The following CSMD1 variants were observed in gnomAD, a reference collection of about 807,000 sequenced individuals.
CSMD1 encodes the protein CUB and sushi domain-containing protein 1.
CSMD1 carries 213 observed loss-of-function variants against 417.5 expected under a neutral mutation model. The observed-to-expected ratio is 0.51, with a 90% CI of 0.46 to 0.57. CSMD1 has a LOEUF of 0.57. Among genes scored for constraint, CSMD1 ranks in the 20% least tolerant of loss-of-function variants. CSMD1 has a pLI of 0.00. For missense variants in CSMD1, 6,923 were observed against 4,529.7 expected, an observed-to-expected ratio of 1.53 and a Z score of -15.17; for synonymous variants, 2,862 against 1,736.8, an observed-to-expected ratio of 1.65 and a Z score of -16.11.
At chr8:4,647,237 T>C (rs1008411401) in intron 1 of CSMD1, among the ~76,000 whole-genome samples, 8 of 84,836 alleles carry the variant, frequency 9.4e-5, no homozygotes, top group Admixed American at 2.1e-4. Flanking sequence ...CTGTTTCTAT[T>C]TTTTTTTTTT....
intron 10 of CSMD1, among the ~76,000 whole-genome samples, chr8:3,551,643 C>CAAA (rs1798920868): frequency 7.3e-6 from 1 of 136,668 alleles, no homozygotes; most frequent in South Asian, 2.3e-4. Context: ...CTTTCCGGTG[C>CAAA]TCATTTAATA....
intron 5 of CSMD1, among the ~76,000 whole-genome samples, chr8:3,988,272 A>C (rs1286634873): frequency 6.6e-6 from 1 of 152,186 alleles, no homozygotes; most frequent in Non-Finnish European, 1.5e-5. Context: ...CTTGTCCCAG[A>C]AGGCCATTAT....
At chr8:3,790,912 C>G (rs950528312) in intron 5 of CSMD1, among the ~76,000 whole-genome samples, 25 of 152,112 alleles carry the variant, frequency 1.6e-4, no homozygotes, top group African/African-American at 6.0e-4. Flanking sequence ...TCAAAACTGT[C>G]AGGTCCTAAG....
In CSMD1 at chr8:3,652,104, C is replaced by T. The variant is rs560825601; in HGVS notation, c.1010-35307G>A. Among the ~76,000 whole-genome samples the T allele has an allele frequency of 2.3e-3, 290 of 123,624 alleles. 1 individual carries two copies. Among genetic ancestry groups the T allele is most frequent in the African/African-American group, 8.3e-3 (275 of 32,994 alleles). The allele number at this position is 123,624 out of a possible 152,430, so 81.1% of individuals were successfully genotyped here. A position where few individuals can be genotyped will look rare whatever the true frequency, so the allele number is the denominator to read the frequency against. On this transcript the variant is annotated intron_variant, in intron 7 of 69. Coordinates refer to ENST00000635120, the MANE Select transcript of CSMD1 (RefSeq NM_033225.6). ...CTTACCACCATCAGAGCACCTACCA[C>T]CATCAGCACGCTTACCATCAGAGCG...
chr8:4,780,320 G>A (rs1371991080), intron 1 of CSMD1, among the ~76,000 whole-genome samples: 1 of 152,144 alleles, frequency 6.6e-6, no homozygotes, highest in East Asian at 1.9e-4. Context: ...TGGGGCTTTG[G>A]CTCTACTGCA....
chr8:4,832,006 T>C (rs1250497497), intron 1 of CSMD1, among the ~76,000 whole-genome samples: 1 of 152,182 alleles, frequency 6.6e-6, no homozygotes, highest in African/African-American at 2.4e-5. Flanking sequence ...CATAGTCACT[T>C]TCAAAAGGAG....
intron 3 of CSMD1, among the ~76,000 whole-genome samples, chr8:4,411,139 G>C (rs556701450): frequency 1.3e-5 from 2 of 152,150 alleles, no homozygotes; most frequent in East Asian, 3.9e-4. Flanking sequence ...ATAACCATGA[G>C]ATACATCTCT....
At chr8:3,565,661 A>G (rs762543779) in intron 10 of CSMD1, among the ~76,000 whole-genome samples, 24 of 152,232 alleles carry the variant, frequency 1.6e-4, no homozygotes, top group Non-Finnish European at 2.8e-4. Flanking sequence ...TCCTTCCCTA[A>G]AACAGATCTG....
intron 1 of CSMD1, among the ~76,000 whole-genome samples, chr8:4,853,416 G>A (rs765030401): frequency 2.6e-5 from 4 of 152,232 alleles, no homozygotes; most frequent in Admixed American, 6.5e-5. Context: ...CTGCTTCAGA[G>A]GGTGCAATCC....
At chr8:4,238,038 G>A (rs1193298096) in intron 3 of CSMD1, among the ~76,000 whole-genome samples, 2 of 152,118 alleles carry the variant, frequency 1.3e-5, no homozygotes, top group Non-Finnish European at 2.9e-5. Flanking sequence ...TTTCCAGCAC[G>A]TTGCTTAGTT....
chr8:4,764,400 C>T (rs1047835758), intron 1 of CSMD1, among the ~76,000 whole-genome samples: 3 of 152,088 alleles, frequency 2.0e-5, no homozygotes, highest in Non-Finnish European at 2.9e-5. Context: ...TGGCATATTA[C>T]TTTTTTACAA....
At chr8:4,035,110 C>G (rs1052644133) in intron 3 of CSMD1, among the ~76,000 whole-genome samples, 5 of 152,122 alleles carry the variant, frequency 3.3e-5, no homozygotes, top group Non-Finnish European at 5.9e-5. Context: ...TGTGAGCTGC[C>G]TAACAACAGC....
chr8:4,278,766 G>C (rs531004830), intron 3 of CSMD1, among the ~76,000 whole-genome samples: 19 of 152,228 alleles, frequency 1.2e-4, no homozygotes, highest in Non-Finnish European at 2.4e-4. Context: ...TCTGAACAAA[G>C]AGCCAAGTGT....
chr8:3,542,518 T>C (rs1798483343), intron 10 of CSMD1, among the ~76,000 whole-genome samples: 1 of 152,162 alleles, frequency 6.6e-6, no homozygotes, highest in Non-Finnish European at 1.5e-5. Context: ...CTACATCCTG[T>C]GTCAGATGCT....
chr8:3,047,203 G>C (rs1179830371), intron 50 of CSMD1, among the ~76,000 whole-genome samples: 2 of 101,648 alleles, frequency 2.0e-5, no homozygotes, highest in African/African-American at 4.2e-5. Context: ...AACAGTATAA[G>C]ACTCCCTCTC....
chr8:4,320,059 A>T (rs1049886867), intron 3 of CSMD1, among the ~76,000 whole-genome samples: 9 of 152,138 alleles, frequency 5.9e-5, no homozygotes, highest in Non-Finnish European at 1.3e-4. Context: ...TAAACAAAAG[A>T]CTTCGTTGGT....
intron 5 of CSMD1, among the ~76,000 whole-genome samples, chr8:3,977,902 C>T (rs1813563973): frequency 6.6e-6 from 1 of 152,124 alleles, no homozygotes; most frequent in Non-Finnish European, 1.5e-5. Flanking sequence ...TGGTAACTGA[C>T]CTCCAATTTC....
chr8:4,718,000 C>A (rs964328610), intron 1 of CSMD1, among the ~76,000 whole-genome samples: 2 of 152,140 alleles, frequency 1.3e-5, no homozygotes, highest in Non-Finnish European at 2.9e-5. Context: ...TGTTTTGAGA[C>A]TGGGTCTTGC....
intron 3 of CSMD1, among the ~76,000 whole-genome samples, chr8:4,123,626 T>G (rs554122096): frequency 1.3e-5 from 2 of 152,220 alleles, no homozygotes; most frequent in East Asian, 3.9e-4. Context: ...ATTTTTCCTT[T>G]GATGATAACA....
Sources: gnomAD v4.1 joint callset for allele counts (sites outside exome capture counted in the v4.1 genomes callset) on GRCh38, gnomAD v4.1.1 for gene constraint, MANE v1.5 for transcripts, NCBI Gene and HGNC (gene_info 2026-07-23, HGNC 2026-07-21) for gene names.